GRIA3: variants seen among roughly 807,000 people sequenced by gnomAD.
GRIA3 encodes the protein glutamate receptor 3.
GRIA3 carries 3 observed loss-of-function variants against 63.0 expected under a neutral mutation model. That is an observed-to-expected ratio of 0.05 (90% CI 0.02 to 0.12). GRIA3 has a LOEUF of 0.12. Ranked by LOEUF, GRIA3 falls within the 10% of genes least tolerant of loss-of-function variation. The pLI, the probability that GRIA3 is intolerant of heterozygous loss-of-function variation, is 1.00. For synonymous variants in GRIA3, 274 were observed against 257.9 expected (o/e 1.06, Z -0.60); for missense variants, 347 against 700.9 (o/e 0.50, Z 5.70).
chrX:123,463,741 AAG>A lies in GRIA3; in HGVS notation c.2077-1122_2077-1121del, dbSNP rs1428883676. 7.0e-4 allele frequency among the ~76,000 whole-genome samples: 72 copies of A among 103,249 alleles called. 4 individuals are homozygous for A. The South Asian group carries it at 0.026, about 38-fold the overall frequency. The allele number at this position is 103,249 out of a possible 115,157, so 89.7% of individuals were successfully genotyped here. On this transcript the variant is annotated intron_variant, in intron 12 of 15. Coordinates refer to ENST00000620443, the MANE Select transcript of GRIA3 (RefSeq NM_007325.5). ...GAAAGAAAGAGAAAGAAGAGAGAGA[AAG>A]AAAGAAAAAGAGAGAAAGAAAGAAG... is the stretch of plus-strand genomic sequence containing the variant.
At chrX:123,467,118 T>C (rs1225199055) in intron 13 of GRIA3, among the ~76,000 whole-genome samples, 1 of 112,419 alleles carries the variant, frequency 8.9e-6, no homozygotes, top group Non-Finnish European at 1.9e-5. Context: ...GTACTTCACA[T>C]TGATGAGAAA....
chrX:123,332,767 T>C (rs906889236), intron 4 of GRIA3, among the ~76,000 whole-genome samples: 1 of 111,602 alleles, frequency 9.0e-6, no homozygotes, highest in Non-Finnish European at 1.9e-5. Flanking sequence ...AGAAGTAAAT[T>C]ACTCAAATTT....
rs148800216 is a variant in GRIA3, at chrX:123,469,400, A to C, written c.2324+4288A>C. ...CTTAAACTAATAAAACTAATGTTTT[A>C]TTATTTTATTTTATTTTTATGGATA... On this transcript the variant is annotated intron_variant, in intron 13 of 15. Transcript: ENST00000620443. Among the ~76,000 whole-genome samples, 665 of 111,776 alleles carry C rather than the reference A, an allele frequency of 5.9e-3. 4 individuals are homozygous for C. The highest frequency in any genetic ancestry group is 0.02 in the African/African-American group (622 of 30,821).
chrX:123,463,718 A>G (rs868011268), intron 12 of GRIA3, among the ~76,000 whole-genome samples: 2,050 of 101,854 alleles, frequency 0.02, 300 homozygotes, highest in African/African-American at 0.075. Context: ...GAAAGAAAGA[A>G]AGAAAGAGAA....
At chrX:123,214,856 C>A (rs1285493261) in intron 2 of GRIA3, among the ~76,000 whole-genome samples, 2 of 112,063 alleles carry the variant, frequency 1.8e-5, no homozygotes, top group Non-Finnish European at 3.8e-5. Flanking sequence ...CTCTAAGTGT[C>A]AGTGGCATCA....
Position 123,453,388 on chromosome X carries a change from T to A in GRIA3, c.2077-11477T>A, listed in dbSNP as rs777784542. On this transcript the variant is annotated intron_variant, in intron 12 of 15. Transcript: ENST00000620443. The stretch of plus-strand genomic sequence containing the variant: ...GGGGAACATCACACACCGGGGCCTG[T>A]CGTGGGGTGGGGGGAGAGGGGAGGG... Among the ~76,000 whole-genome samples the A allele has an allele frequency of 6.5e-5, 7 of 107,884 alleles. No individual in the cohort carries two copies. In the South Asian group the frequency reaches 1.7e-3, roughly 26 times the overall value. 93.7% of individuals were successfully genotyped at this position (107,884 alleles called of 115,157 possible). A position where few individuals can be genotyped will look rare whatever the true frequency, so the allele number is the denominator to read the frequency against.
intron 3 of GRIA3, among the ~76,000 whole-genome samples, chrX:123,323,707 G>A (rs1249493755): frequency 1.8e-5 from 2 of 111,782 alleles, no homozygotes; most frequent in Admixed American, 9.5e-5. Context: ...TAAGGGAGAA[G>A]TGGGGACTGG....
chrX:123,277,205 G>A (rs1316501964), intron 3 of GRIA3, among the ~76,000 whole-genome samples: 3 of 110,423 alleles, frequency 2.7e-5, no homozygotes, highest in Non-Finnish European at 5.7e-5. Flanking sequence ...TGTGAAATAC[G>A]CACATCATGG....
intron 4 of GRIA3, among the ~76,000 whole-genome samples, chrX:123,329,567 C>G (rs945149718): frequency 8.9e-6 from 1 of 111,761 alleles, no homozygotes; most frequent in African/African-American, 3.3e-5. Context: ...AATAGTTAAT[C>G]TACCAGAGAA....
At chrX:123,283,646 C>T (rs948229720) in intron 3 of GRIA3, among the ~76,000 whole-genome samples, 2 of 111,938 alleles carry the variant, frequency 1.8e-5, no homozygotes, top group African/African-American at 6.5e-5. Context: ...TCAAACTCGG[C>T]AGAGCCCACT....
At chrX:123,293,245 T>G (rs1374430001) in intron 3 of GRIA3, among the ~76,000 whole-genome samples, 1 of 110,918 alleles carries the variant, frequency 9.0e-6, no homozygotes, top group Non-Finnish European at 1.9e-5. Flanking sequence ...GCCAAGCTTA[T>G]GTTGGAATCA....
At chrX:123,385,370 TG>T (rs1487589826) in intron 5 of GRIA3, among the ~76,000 whole-genome samples, 1 of 111,695 alleles carries the variant, frequency 9.0e-6, no homozygotes, top group Non-Finnish European at 1.9e-5. Flanking sequence ...ACTAATATCA[TG>T]CCGTTTTGGT....
At chrX:123,445,533 A>T (rs1047400003) in intron 12 of GRIA3, among the ~76,000 whole-genome samples, 2 of 111,877 alleles carry the variant, frequency 1.8e-5, no homozygotes, top group African/African-American at 6.5e-5. Context: ...TTTGTCTTCC[A>T]GGCAATTTCC....
intron 2 of GRIA3, among the ~76,000 whole-genome samples, chrX:123,249,317 A>T (rs2044376606): frequency 8.9e-6 from 1 of 112,302 alleles, no homozygotes; most frequent in South Asian, 3.7e-4. Context: ...ACTATGCTTG[A>T]GAAACAAGTG....
At chrX:123,364,056 C>T (rs749498833) in intron 5 of GRIA3, among the ~76,000 whole-genome samples, 18 of 112,144 alleles carry the variant, frequency 1.6e-4, no homozygotes, top group Non-Finnish European at 2.8e-4. Context: ...CCAACAAAAC[C>T]ATTGATTGCA....
At chrX:123,357,406 T>G (rs2045140445) in intron 5 of GRIA3, among the ~76,000 whole-genome samples, 1 of 108,502 alleles carries the variant, frequency 9.2e-6, no homozygotes, top group Admixed American at 1.0e-4. Context: ...CTGGGTCTCC[T>G]TATTTCTACT....
At chrX:123,302,557 C>T (rs1263420615) in intron 3 of GRIA3, among the ~76,000 whole-genome samples, 1 of 111,283 alleles carries the variant, frequency 9.0e-6, no homozygotes, top group African/African-American at 3.3e-5. Flanking sequence ...GATCTCGATT[C>T]TCTCCTAGAG....
intron 2 of GRIA3, among the ~76,000 whole-genome samples, chrX:123,236,230 C>A (rs1279468668): frequency 9.0e-6 from 1 of 111,491 alleles, no homozygotes; most frequent in Non-Finnish European, 1.9e-5. Context: ...GGGACTCTTT[C>A]TTAAACACAG....
chrX:123,297,780 CTT>C (rs2044695730), intron 3 of GRIA3, among the ~76,000 whole-genome samples: 1 of 110,356 alleles, frequency 9.1e-6, no homozygotes. Flanking sequence ...CATAGATAAA[CTT>C]ATGTCATAGG....
Sources: allele counts gnomAD v4.1 joint callset (sites outside exome capture counted in the v4.1 genomes callset), GRCh38; gene constraint gnomAD v4.1.1; transcripts MANE v1.5; gene names NCBI Gene and HGNC (gene_info 2026-07-23, HGNC 2026-07-21).